Variants in TVP23A observed in about 807,000 individuals in gnomAD.
The protein encoded by TVP23A is trans-golgi network vesicle protein 23 homolog A.
Under a neutral mutation model 31.7 loss-of-function variants are expected in TVP23A, and 21 were observed. That is an observed-to-expected ratio of 0.66 (90% CI 0.47 to 0.95). The LOEUF is 0.95. Among genes scored for constraint, TVP23A ranks in the 40% least tolerant of loss-of-function variants. The pLI, the probability that TVP23A is intolerant of heterozygous loss-of-function variation, is 0.00. For missense variants in TVP23A, 279 were observed against 255.6 expected (o/e 1.09, Z -0.62); for synonymous variants, 104 against 96.0 (o/e 1.08, Z -0.49).
At chr16:10,757,605 A>G (rs767345001), downstream of TVP23A, among the ~76,000 whole-genome samples, 71 of 152,110 alleles carry the variant, frequency 4.7e-4, no homozygotes, top group Non-Finnish European at 7.9e-4. The surrounding 1 kb of genome is among the most constrained non-coding windows in gnomAD (Gnocchi z 4.1). Flanking sequence ...AGACATTGCA[A>G]TTCACTCCCA....
intron 2 of TVP23A, chr16:10,808,400 A>G: frequency 2.6e-6 from 1 of 377,624 alleles, no homozygotes; most frequent in Non-Finnish European, 5.3e-6. Flanking sequence ...TGTTTGCCTG[A>G]AGACCTGAGC....
exon 9 of TVP23A, chr16:10,761,544 G>C (rs1183460781): frequency 1.5e-6 from 2 of 1,320,738 alleles, no homozygotes; most frequent in Admixed American, 3.7e-5. Context: ...TCGGAAGGCT[G>C]CTCTGCAAAC....
Position 10,777,839 on chromosome 16 carries a change from C to T in TVP23A, c.90-2743G>A, listed in dbSNP as rs764050369. Among the ~76,000 whole-genome samples the T allele has an allele frequency of 8.6e-5, 13 of 151,808 alleles. No homozygotes were observed. The highest frequency in any genetic ancestry group is 1.9e-4 in the Non-Finnish European group (13 of 67,968). ...ATCCCTGGCCAACATGGTGAAACCCCGTCTCTACTAAAAATACAAAAATTA... is the reference window on the plus strand; with the variant it reads ...ATCCCTGGCCAACATGGTGAAACCCTGTCTCTACTAAAAATACAAAAATTA... On this transcript the variant is annotated intron_variant, in intron 2 of 7. Transcript: ENST00000299866. This position sits in a 1 kb window ranked among gnomAD's most constrained non-coding sequence, Gnocchi z 4.5.
At chr16:10,757,769 C>T (rs1255000371), downstream of TVP23A, 5 of 1,440,910 alleles carry the variant, frequency 3.5e-6, no homozygotes, top group Admixed American at 7.8e-5. The surrounding 1 kb of genome is among the most constrained non-coding windows in gnomAD (Gnocchi z 4.1). Context: ...TAAGAGCCAA[C>T]CTGGGCAACA....
intron 2 of TVP23A, among the ~76,000 whole-genome samples, chr16:10,796,213 C>T (rs543971714): frequency 2.6e-5 from 4 of 151,470 alleles, no homozygotes; most frequent in African/African-American, 9.7e-5. Context: ...AGTAGCCAGG[C>T]GTGATGGTGT....
At chr16:10,759,680 G>T (rs761607498), downstream of TVP23A, among the ~76,000 whole-genome samples, 3 of 152,218 alleles carry the variant, frequency 2.0e-5, no homozygotes, top group Non-Finnish European at 4.4e-5. This position sits in a 1 kb window ranked among gnomAD's most constrained non-coding sequence, Gnocchi z 4.7. Flanking sequence ...GGAGGCTGAG[G>T]TGGGAGAAGT....
rs1180082850 is a variant in TVP23A at position 10,770,481 on chromosome 16, T to A, written c.583-150A>T. On this transcript the variant is annotated intron_variant, in intron 6 of 7. Transcript: ENST00000299866. The stretch of plus-strand genomic sequence containing the variant: ...TGGCATAAAGCAGTGCTGTTCAAAT[T>A]TAGGACGGTTCTACCCATTTCAGGA... 5.2e-6 allele frequency: 4 copies of A among 763,190 alleles called. No homozygotes were observed. In the African/African-American group the frequency reaches 7.3e-5, roughly 14 times the overall value. 47.3% of individuals were successfully genotyped at this position (763,190 alleles called of 1,614,324 possible).
At chr16:10,811,749 A>G (rs926591437) in intron 2 of TVP23A, among the ~76,000 whole-genome samples, 92 of 152,042 alleles carry the variant, frequency 6.1e-4, no homozygotes, top group African/African-American at 2.0e-3. Context: ...CTAAAAATAC[A>G]AAAAGTTAGC....
At chr16:10,761,986 C>G (rs1164952316), downstream of TVP23A, 1 of 689,656 alleles carries the variant, frequency 1.5e-6, no homozygotes, top group Admixed American at 2.8e-5. Context: ...GCGCTGGAGC[C>G]AGACCCACCC....
chr16:10,771,823 G>C lies in TVP23A; in HGVS notation c.454-25C>G, dbSNP rs913020475. ...CCTGCACTCAGACAAAGAAAGCAAA[G>C]GTCACTTTTTTTTGAGACAGAGTTT... is the stretch of plus-strand genomic sequence containing the variant. On this transcript the variant is annotated intron_variant, in intron 5 of 7. Coordinates refer to ENST00000299866, the MANE Select transcript of TVP23A (RefSeq NM_001079512.4). The C allele has an allele frequency of 9.0e-6, 14 of 1,552,526 alleles. No individual in the cohort carries two copies. In the Admixed American group the frequency reaches 2.5e-4, roughly 28 times the overall value.
chr16:10,788,715 A>C (rs2032920718), intron 2 of TVP23A, among the ~76,000 whole-genome samples: 1 of 152,190 alleles, frequency 6.6e-6, no homozygotes. Context: ...GGGGAAAGGG[A>C]GACAGTATGT....
intron 2 of TVP23A, among the ~76,000 whole-genome samples, chr16:10,797,955 C>CTTTTTTTT (rs1162130562): frequency 8.9e-5 from 11 of 122,924 alleles, no homozygotes; most frequent in African/African-American, 1.3e-4. Context: ...TTTTCTTTTT[C>CTTTTTTTT]TTTTTTTTTT....
At chr16:10,800,222 C>T (rs2033632131) in intron 2 of TVP23A, 1 of 151,962 alleles carries the variant, frequency 6.6e-6, no homozygotes, top group Non-Finnish European at 1.5e-5. Context: ...TGTGCCTGGC[C>T]TTGTGCTTTT....
downstream of TVP23A, chr16:10,766,571 G>A (rs369481382): frequency 1.1e-4 from 18 of 167,022 alleles, no homozygotes; most frequent in African/African-American, 4.3e-4. The surrounding 1 kb of genome is among the most constrained non-coding windows in gnomAD (Gnocchi z 4.8). Context: ...TGCACTCAGG[G>A]GCCTCCCTAG....
intron 2 of TVP23A, among the ~76,000 whole-genome samples, chr16:10,795,749 A>T (rs549527271): frequency 1.9e-4 from 29 of 152,150 alleles, no homozygotes; most frequent in Non-Finnish European, 3.7e-4. Flanking sequence ...TCACAAATGA[A>T]ATGATAGAGT....
At chr16:10,761,112 T>G, downstream of TVP23A, 3 of 368,464 alleles carry the variant, frequency 8.1e-6, no homozygotes, top group East Asian at 5.9e-5. Context: ...GAGACCAGCA[T>G]GGGGGAAACT....
intron 2 of TVP23A, among the ~76,000 whole-genome samples, chr16:10,796,116 G>T (rs535419941): frequency 6.6e-6 from 1 of 152,296 alleles, no homozygotes; most frequent in African/African-American, 2.4e-5. Context: ...GGGAGGCTGA[G>T]GCAAGAGGAT....
At chr16:10,796,462 T>C (rs2033394501) in intron 2 of TVP23A, among the ~76,000 whole-genome samples, 1 of 152,028 alleles carries the variant, frequency 6.6e-6, no homozygotes, top group Non-Finnish European at 1.5e-5. Flanking sequence ...AGATGGAGTC[T>C]GGCACTGTTG....
intron 2 of TVP23A, among the ~76,000 whole-genome samples, chr16:10,780,894 C>T (rs1286104207): frequency 6.6e-6 from 1 of 152,054 alleles, no homozygotes; most frequent in Non-Finnish European, 1.5e-5. Context: ...CCTGAGGGGA[C>T]TACCTTTTGT....
Sources: allele counts gnomAD v4.1 joint callset (sites outside exome capture counted in the v4.1 genomes callset), GRCh38; gene constraint gnomAD v4.1.1; non-coding constraint Gnocchi (gnomAD v3.1); transcripts MANE v1.5; gene names NCBI Gene and HGNC (gene_info 2026-07-23, HGNC 2026-07-21).